SSH2: variants seen among roughly 807,000 people sequenced by gnomAD.
SSH2 encodes the protein slingshot protein phosphatase 2, also known as protein phosphatase Slingshot homolog 2.
A neutral mutation model predicts 135.2 loss-of-function variants in SSH2; 37 were observed. The observed-to-expected ratio is 0.27, with a 90% CI of 0.21 to 0.36. The LOEUF is 0.36. Among genes scored for constraint, SSH2 ranks in the 10% least tolerant of loss-of-function variants. SSH2 has a pLI of 1.00. For synonymous variants in SSH2, 628 were observed against 646.2 expected (o/e 0.97, Z 0.43); for missense variants, 1,408 against 1,765.3 (o/e 0.80, Z 3.63).
At position 29,630,938 on chromosome 17, in the gene SSH2, G is replaced by A. The variant is rs772450284; in HGVS notation, c.4256C>T (p.Ala1419Val). 7.5e-6 allele frequency: 12 copies of A among 1,609,494 alleles called. No individual in the cohort carries two copies. Residue 1419 changes from alanine (A) to valine (V), a missense_variant, in exon 16 of 16, where the codon GCA becomes GTA. Ala to Val is a moderately conservative substitution (Grantham distance 64, BLOSUM62 0). Coordinates refer to ENST00000540801, the MANE Select transcript of SSH2 (RefSeq NM_001282129.2). ...AGTTCTGCCGTGTTGCTGACGGGGT[G>A]CCACGGCCAGCCCTGGAGCTGGGCA... ...CACPAPGLAV[A>V]PRQQHGRTHP...
intron 5 of SSH2, among the ~76,000 whole-genome samples, chr17:29,691,412 A>C (rs1436733830): frequency 6.6e-6 from 1 of 152,158 alleles, no homozygotes; most frequent in Non-Finnish European, 1.5e-5. Context: ...AGTTTTTCTA[A>C]GTACTACAGT....
chr17:29,770,844 A>C, intron 3 of SSH2, among the ~76,000 whole-genome samples: 1 of 152,242 alleles, frequency 6.6e-6, no homozygotes, highest in East Asian at 1.9e-4. Context: ...CAGGTTTTTC[A>C]TGTATAACAT....
At chr17:29,878,149 C>T (rs917905142) in intron 1 of SSH2, among the ~76,000 whole-genome samples, 6 of 151,962 alleles carry the variant, frequency 3.9e-5, no homozygotes, top group East Asian at 3.9e-4. Context: ...ACAAAGAGGC[C>T]GGGCATGGTG....
chr17:29,754,301 T>C (rs914355690), intron 3 of SSH2, among the ~76,000 whole-genome samples: 1 of 152,176 alleles, frequency 6.6e-6, no homozygotes, highest in Middle Eastern at 3.2e-3. Flanking sequence ...TGATGCAAGC[T>C]TAAGTTTGGA....
rs752691137 is a variant in SSH2, at chr17:29,761,843, A to ATGTGTGTGTGTGTGTG, written c.188+32035_188+32050dup. Among the ~76,000 whole-genome samples the ATGTGTGTGTGTGTGTG allele has an allele frequency of 5.0e-3, 707 of 142,450 alleles. 7 individuals carry two copies. Among genetic ancestry groups the ATGTGTGTGTGTGTGTG allele is most frequent in the African/African-American group, 0.017 (624 of 37,014 alleles). 93.5% of individuals were successfully genotyped at this position (142,450 alleles called of 152,430 possible). ...ATTCAGAGATTACACTCACATACAT[A>ATGTGTGTGTGTGTGTG]TGTGTGTGTGTGTGTGTGTGTGTGT... On this transcript the variant is annotated intron_variant, in intron 3 of 15. Coordinates refer to ENST00000540801, the MANE Select transcript of SSH2 (RefSeq NM_001282129.2).
At chr17:29,799,395 C>T (rs557141629) in intron 2 of SSH2, among the ~76,000 whole-genome samples, 36 of 152,240 alleles carry the variant, frequency 2.4e-4, no homozygotes, top group African/African-American at 7.9e-4. Flanking sequence ...ATACTCTCAC[C>T]AGAAAGAGTA....
intron 11 of SSH2, among the ~76,000 whole-genome samples, chr17:29,661,058 T>A: frequency 8.7e-6 from 1 of 114,406 alleles, no homozygotes; most frequent in East Asian, 2.5e-4. Flanking sequence ...TGAAATTCCA[T>A]CTCAAAAAAA....
chr17:29,756,199 G>A (rs2041114367), intron 3 of SSH2, among the ~76,000 whole-genome samples: 1 of 151,470 alleles, frequency 6.6e-6, no homozygotes. Flanking sequence ...CTTGAACCCA[G>A]GGGGCGGAGG....
chr17:29,861,144 G>A (rs1242826330), intron 1 of SSH2, among the ~76,000 whole-genome samples: 1 of 152,120 alleles, frequency 6.6e-6, no homozygotes, highest in East Asian at 1.9e-4. Flanking sequence ...CAGATGCATA[G>A]TTTGTAAACA....
intron 8 of SSH2, chr17:29,674,284 C>T (rs1467019302): frequency 1.4e-5 from 6 of 418,490 alleles, no homozygotes; most frequent in Non-Finnish European, 4.8e-6. Flanking sequence ...TTTAAAAATG[C>T]TTTATATTAC....
intron 3 of SSH2, among the ~76,000 whole-genome samples, chr17:29,738,544 T>TTTTTTTTTTTC (rs1418497321): frequency 6.6e-6 from 1 of 151,068 alleles, no homozygotes; most frequent in Non-Finnish European, 1.5e-5. Flanking sequence ...TTTTTTTTTC[T>TTTTTTTTTTTC]TTTTTATTTT....
intron 3 of SSH2, among the ~76,000 whole-genome samples, chr17:29,758,312 G>A (rs555170903): frequency 9.2e-5 from 14 of 152,216 alleles, no homozygotes; most frequent in African/African-American, 3.4e-4. Flanking sequence ...AAATAGATCT[G>A]GATTCTAAGG....
chr17:29,852,069 G>A (rs2151391214), intron 1 of SSH2, among the ~76,000 whole-genome samples: 1 of 152,142 alleles, frequency 6.6e-6, no homozygotes, highest in Admixed American at 6.5e-5. Flanking sequence ...ACCACCTGAG[G>A]TCAGGAGTTC....
intron 15 of SSH2, 71 bp downstream of exon 15, chr17:29,635,897 T>C: frequency 8.4e-7 from 1 of 1,191,106 alleles, no homozygotes; most frequent in African/African-American, 1.5e-5. Flanking sequence ...AAAACAAACA[T>C]AACATAATCC....
intron 1 of SSH2, among the ~76,000 whole-genome samples, chr17:29,859,847 TTTG>T (rs1244615720): frequency 6.6e-6 from 1 of 152,106 alleles, no homozygotes; most frequent in Non-Finnish European, 1.5e-5. Flanking sequence ...GCTCTGTTTT[TTTG>T]TTTTTGTTTT....
intron 1 of SSH2, among the ~76,000 whole-genome samples, chr17:29,926,553 C>CAA (rs577944888): frequency 5.7e-5 from 6 of 105,450 alleles, no homozygotes; most frequent in African/African-American, 6.7e-5. Context: ...GACCTTGTCT[C>CAA]AAAAAAAAAA....
At chr17:29,697,076 T>A (rs550559500) in intron 4 of SSH2, among the ~76,000 whole-genome samples, 53 of 152,336 alleles carry the variant, frequency 3.5e-4, no homozygotes, top group African/African-American at 1.2e-3. Context: ...ATTATTTGAA[T>A]CTTCACTTGT....
At chr17:29,730,177 T>C (rs113914110) in intron 3 of SSH2, among the ~76,000 whole-genome samples, 1 of 151,294 alleles carries the variant, frequency 6.6e-6, no homozygotes, top group African/African-American at 2.4e-5. Context: ...AAAAAATTAG[T>C]TGAGTGTGGT....
In SSH2 at chr17:29,630,816, G is replaced by T. The variant is rs756177671; in HGVS notation, c.*25C>A. The stretch of plus-strand genomic sequence containing the variant: ...GCCCCTTTTACAAACATTTCTTCTA[G>T]AAAGTCACATGTGTAGGCTCAGAAT... On this transcript the variant is annotated 3_prime_UTR_variant, in exon 16 of 16. Transcript: ENST00000540801. 22 of 1,511,674 alleles carry T rather than the reference G, an allele frequency of 1.5e-5. No homozygotes were observed. The highest frequency in any genetic ancestry group is 1.9e-5 in the Non-Finnish European group (22 of 1,128,824). 93.6% of individuals were successfully genotyped at this position (1,511,674 alleles called of 1,614,324 possible). A position where few individuals can be genotyped will look rare whatever the true frequency, so the allele number is the denominator to read the frequency against.
Sources: allele counts gnomAD v4.1 joint callset (sites outside exome capture counted in the v4.1 genomes callset), GRCh38; gene constraint gnomAD v4.1.1; transcripts MANE v1.5; gene names NCBI Gene and HGNC (gene_info 2026-07-23, HGNC 2026-07-21).